APBB1IP: variants seen among roughly 807,000 people sequenced by gnomAD.
APBB1IP encodes the protein amyloid beta A4 precursor protein-binding family B member 1-interacting protein.
APBB1IP carries 27 observed loss-of-function variants against 64.9 expected under a neutral mutation model. That is an observed-to-expected ratio of 0.42 (90% CI 0.31 to 0.57). APBB1IP has a LOEUF of 0.57. APBB1IP is among the 20% of genes least tolerant of loss of function. The pLI, the probability that APBB1IP is intolerant of heterozygous loss-of-function variation, is 0.20. For missense variants in APBB1IP, 812 were observed against 845.5 expected, an observed-to-expected ratio of 0.96 and a Z score of 0.49; for synonymous variants, 392 against 331.0, an observed-to-expected ratio of 1.18 and a Z score of -2.00.
At chr10:26,537,863 G>A (rs976915078) in intron 10 of APBB1IP, among the ~76,000 whole-genome samples, 3 of 151,512 alleles carry the variant, frequency 2.0e-5, no homozygotes, top group African/African-American at 7.3e-5. Flanking sequence ...GAACTTGGGA[G>A]GTGGAGGTTG....
Position 26,486,216 on chromosome 10 carries a change from C to T in APBB1IP, c.1-6111C>T, listed in dbSNP as rs1294489995. ...TAAGCAGCCAGGGAAGATTTTTAAA[C>T]AGGAGAGTGACACATTCACATTTGT... On this transcript the variant is annotated intron_variant, in intron 2 of 14. Transcript: ENST00000376236. Among the ~76,000 whole-genome samples, 7 of 152,246 alleles carry T rather than the reference C, an allele frequency of 4.6e-5. No individual in the cohort carries two copies. The East Asian group carries it at 1.3e-3, about 29-fold the overall frequency.
intron 10 of APBB1IP, among the ~76,000 whole-genome samples, 172 bp downstream of exon 10, chr10:26,536,389 A>T (rs1036772954): frequency 6.6e-6 from 1 of 152,176 alleles, no homozygotes; most frequent in Non-Finnish European, 1.5e-5. Flanking sequence ...GTTTTCCCGT[A>T]GCTCTCTTGA....
In APBB1IP at chr10:26,529,677, G is replaced by A. The variant is rs182277569; in HGVS notation, c.814-3762G>A. Among the ~76,000 whole-genome samples, 141 of 151,568 alleles carry A rather than the reference G, an allele frequency of 9.3e-4. 1 individual carries two copies. Among genetic ancestry groups the A allele is most frequent in the Non-Finnish European group, 3.4e-4 (23 of 67,900 alleles). ...TTTTCCTGAGATGGAGTCTTGCTTT[G>A]TCACCCAAGCTGGAGTGCGGTGGGA... On this transcript the variant is annotated intron_variant, in intron 8 of 14. Transcript: ENST00000376236.
chr10:26,513,510 T>C (rs370039485), intron 7 of APBB1IP, 29 bp from the exon 8 acceptor site: 1 of 1,610,024 alleles, frequency 6.2e-7, no homozygotes, highest in African/African-American at 1.3e-5. Context: ...GTCTTGGGTC[T>C]GAAAGAATAC....
chr10:26,457,037 A>G (rs1308455026), intron 2 of APBB1IP, among the ~76,000 whole-genome samples: 1 of 152,198 alleles, frequency 6.6e-6, no homozygotes, highest in African/African-American at 2.4e-5. Flanking sequence ...ATAGGTCAAG[A>G]TAAATGTAGG....
At chr10:26,485,555 G>T (rs528094896) in intron 2 of APBB1IP, among the ~76,000 whole-genome samples, 1 of 152,310 alleles carries the variant, frequency 6.6e-6, no homozygotes, top group East Asian at 1.9e-4. Flanking sequence ...ATAACAAAAA[G>T]AGTGTGATTC....
At chr10:26,556,325 G>T (rs979100977) in intron 11 of APBB1IP, among the ~76,000 whole-genome samples, 1 of 152,218 alleles carries the variant, frequency 6.6e-6, no homozygotes, top group Non-Finnish European at 1.5e-5. Context: ...TATAATGTCT[G>T]CAAGGCTGAA....
At chr10:26,549,163 C>T (rs1156802294) in intron 11 of APBB1IP, among the ~76,000 whole-genome samples, 1 of 152,166 alleles carries the variant, frequency 6.6e-6, no homozygotes, top group Admixed American at 6.5e-5. Context: ...CCTTGTATTG[C>T]TGGGATGAAT....
intron 2 of APBB1IP, among the ~76,000 whole-genome samples, chr10:26,444,538 G>A (rs534966960): frequency 6.6e-6 from 1 of 152,314 alleles, no homozygotes; most frequent in East Asian, 1.9e-4. Context: ...AGAAAGAGGA[G>A]TCAAGGATGA....
At chr10:26,554,689 C>T (rs1751002848) in intron 11 of APBB1IP, among the ~76,000 whole-genome samples, 1 of 152,262 alleles carries the variant, frequency 6.6e-6, no homozygotes, top group South Asian at 2.1e-4. Flanking sequence ...TTAAGTGATC[C>T]TCCTGCCTCA....
intron 12 of APBB1IP, 100 bp from the exon 13 acceptor site, chr10:26,560,630 C>A: frequency 1.3e-6 from 1 of 749,572 alleles, no homozygotes. Flanking sequence ...AACAGAGTAG[C>A]CGTGGAGTAT....
intron 14 of APBB1IP, 31 bp from the exon 15 acceptor site, chr10:26,566,930 A>AAAAATG: frequency 6.5e-7 from 1 of 1,537,082 alleles, no homozygotes; most frequent in South Asian, 1.2e-5. Flanking sequence ...AAATTAAAAA[A>AAAAATG]AAAATGAATG....
intron 2 of APBB1IP, among the ~76,000 whole-genome samples, chr10:26,486,090 A>C (rs563180537): frequency 2.0e-5 from 3 of 152,060 alleles, no homozygotes; most frequent in African/African-American, 7.2e-5. Context: ...AAATAATGTA[A>C]AAAAATATAA....
intron 14 of APBB1IP, among the ~76,000 whole-genome samples, chr10:26,563,792 C>T (rs568354466): frequency 7.3e-4 from 111 of 152,262 alleles, no homozygotes; most frequent in African/African-American, 2.6e-3. Context: ...ATTTATCGAA[C>T]TTATAATTTT....
chr10:26,526,760 G>T (rs1836481090), intron 8 of APBB1IP, among the ~76,000 whole-genome samples: 1 of 151,994 alleles, frequency 6.6e-6, no homozygotes, highest in African/African-American at 2.4e-5. Flanking sequence ...ATCATAAAAG[G>T]AAAAGTTGGA....
chr10:26,500,962 T>C lies in APBB1IP; in HGVS notation c.304T>C (p.Ser102Pro). The change falls in exon 5 of 15, where the codon TCA becomes CCA. Residue 102 changes from serine (S) to proline (P), a missense_variant. Around this residue, in one of 3 missense-constraint regions of APBB1IP, gnomAD observed 394 missense variants for 413.1 expected, o/e 0.95. Coordinates refer to ENST00000376236, the MANE Select transcript of APBB1IP (RefSeq NM_019043.4). ...NQHHSASLQA[S>P]IFSGAASLGY... is the part of the protein sequence containing the mutation. The stretch of plus-strand genomic sequence containing the variant: ...ACATCATTCAGCATCTCTACAAGCA[T>C]CAATTTTCAGTGGTGCAGCCTCTCT... The C allele has an allele frequency of 6.2e-7, 1 of 1,614,144 alleles. No homozygotes were observed. Among genetic ancestry groups the C allele is most frequent in the Non-Finnish European group, 8.5e-7 (1 of 1,180,026 alleles).
intron 8 of APBB1IP, among the ~76,000 whole-genome samples, chr10:26,532,747 C>G (rs146854062): frequency 0.011 from 1,731 of 152,284 alleles, 16 homozygotes; most frequent in Non-Finnish European, 0.017. Context: ...GCCTCAGCCT[C>G]CCAGAGTGGT....
intron 11 of APBB1IP, among the ~76,000 whole-genome samples, chr10:26,543,138 C>T (rs1320728502): frequency 6.6e-6 from 1 of 151,592 alleles, no homozygotes; most frequent in Non-Finnish European, 1.5e-5. Flanking sequence ...AAGGCTGGAT[C>T]CGTTCACTCA....
At chr10:26,495,884 A>G (rs1836014955) in intron 3 of APBB1IP, among the ~76,000 whole-genome samples, 1 of 143,754 alleles carries the variant, frequency 7.0e-6, no homozygotes, top group African/African-American at 2.5e-5. Context: ...TCATTACAGA[A>G]TTTTATATAT....
Sources: allele counts gnomAD v4.1 joint callset (sites outside exome capture counted in the v4.1 genomes callset), GRCh38; gene constraint gnomAD v4.1.1; regional missense constraint gnomAD v4.1.1; transcripts MANE v1.5; gene names NCBI Gene and HGNC (gene_info 2026-07-23, HGNC 2026-07-21).